KIF1C: variants seen among roughly 807,000 people sequenced by gnomAD.
KIF1C encodes the protein kinesin family member 1C, also known as kinesin-like protein KIF1C.
KIF1C carries 61 observed loss-of-function variants against 126.5 expected under a neutral mutation model. The ratio of observed to expected loss-of-function variants is 0.48; its 90% confidence interval spans 0.39 to 0.60. The LOEUF is 0.60. Ranked by LOEUF, KIF1C falls within the 20% of genes least tolerant of loss-of-function variation. KIF1C has a pLI of 0.00. For synonymous variants in KIF1C, 640 were observed against 580.6 expected (o/e 1.10, Z -1.47); for missense variants, 1,315 against 1,489.2 (o/e 0.88, Z 1.93).
At chr17:5,007,781 G>A (rs544104711) in intron 16 of KIF1C, among the ~76,000 whole-genome samples, 92 of 152,296 alleles carry the variant, frequency 6.0e-4, no homozygotes, top group African/African-American at 1.9e-3. Context: ...CTGGGAAATC[G>A]GAGGTTGGTT....
rs1449066213 is a variant in KIF1C at position 5,002,049 on chromosome 17, C to A, written c.364-10C>A. On this transcript the variant is annotated splice_polypyrimidine_tract_variant and intron_variant, in intron 5 of 22. Coordinates refer to ENST00000320785, the MANE Select transcript of KIF1C (RefSeq NM_006612.6). The stretch of plus-strand genomic sequence containing the variant: ...GGAGCTTCTCTGTATTTCCCTGTGT[C>A]CCCCTCCAGCTCTGTGAGGACCTCT... 1 of 1,613,360 alleles carries A rather than the reference C, an allele frequency of 6.2e-7. No individual in the cohort carries two copies. Among genetic ancestry groups the A allele is most frequent in the Non-Finnish European group, 8.5e-7 (1 of 1,179,308 alleles).
Position 5,024,276 on chromosome 17 carries a change from T to G in KIF1C, c.*125T>G. On this transcript the variant is annotated 3_prime_UTR_variant, in exon 23 of 23. Transcript: ENST00000320785. ...CAGGAGATGAGAGAGAAGGTCCGAG[T>G]AGGTGATAGAAGACAAGGGGGAGAC... 1.4e-6 allele frequency: 1 copy of G among 701,046 alleles called. No individual in the cohort carries two copies. The highest frequency in any genetic ancestry group is 2.9e-5 in the East Asian group (1 of 34,514). The allele number at this position is 701,046 out of a possible 1,614,324, so 43.4% of individuals were successfully genotyped here.
Position 5,007,359 on chromosome 17 carries a change from T to C in KIF1C, c.1415+17T>C. The C allele has an allele frequency of 4.3e-6, 7 of 1,613,154 alleles. No individual in the cohort carries two copies. Among genetic ancestry groups the C allele is most frequent in the Non-Finnish European group, 5.1e-6 (6 of 1,179,406 alleles). On this transcript the variant is annotated intron_variant, in intron 15 of 22. Transcript: ENST00000320785. ...GATGGAGAGGTGTGAGGGCCGACAG[T>C]TGGGGTCCTGGGTGGAGTTGGAGGC...
At position 5,022,362 on chromosome 17, in the gene KIF1C, C is replaced by T. The variant is rs573302051; in HGVS notation, c.2281C>T (p.Leu761=). Residue 761 remains leucine (L), a synonymous_variant, in exon 22 of 23, where the codon CTG becomes TTG. Transcript: ENST00000320785. The surrounding 1 kb of genome is among the most constrained non-coding windows in gnomAD (Gnocchi z 4.9). ...GAAGGAGATCTGCTACGAGGTGGCC[C>T]TGGCTGACTTCCGCCACGGGCGGGC... ...AVKEICYEVA[L]ADFRHGRAEI... is the part of the protein sequence containing the mutation. The T allele has an allele frequency of 1.3e-6, 2 of 1,588,980 alleles. No individual in the cohort carries two copies. Among genetic ancestry groups the T allele is most frequent in the Non-Finnish European group, 1.7e-6 (2 of 1,167,000 alleles).
chr17:5,004,498 C>A, intron 11 of KIF1C, 69 bp from the exon 12 acceptor site: 1 of 1,449,692 alleles, frequency 6.9e-7, no homozygotes, highest in South Asian at 1.2e-5. Flanking sequence ...GGGCCCCAGC[C>A]CTGTGACCCG....
intron 16 of KIF1C, among the ~76,000 whole-genome samples, chr17:5,012,735 G>C (rs1475940700): frequency 1.3e-5 from 2 of 152,196 alleles, no homozygotes; most frequent in Admixed American, 6.5e-5. Context: ...CACGGCAGCA[G>C]CTGGCAGGAA....
rs1975059908 is a variant in KIF1C, at chr17:5,020,314, G to T, written c.1751-178G>T. Among the ~76,000 whole-genome samples the T allele has an allele frequency of 1.3e-5, 2 of 152,234 alleles. No individual in the cohort carries two copies. On this transcript the variant is annotated intron_variant, in intron 19 of 22. Coordinates refer to ENST00000320785, the MANE Select transcript of KIF1C (RefSeq NM_006612.6). This position sits in a 1 kb window ranked among gnomAD's most constrained non-coding sequence, Gnocchi z 5.8. Reference sequence around the variant, plus strand: ...TCTTGCAATTCCCTTTGGTTGACAAGAATGGGGTTGGTCCCTGGGTGTCAG... The same window carrying T: ...TCTTGCAATTCCCTTTGGTTGACAATAATGGGGTTGGTCCCTGGGTGTCAG...
intron 16 of KIF1C, among the ~76,000 whole-genome samples, chr17:5,008,627 CCT>C (rs758478743): frequency 6.6e-6 from 1 of 152,188 alleles, no homozygotes; most frequent in South Asian, 2.1e-4. Context: ...TCACTGAACC[CCT>C]GTTCTGAAAA....
intron 18 of KIF1C, among the ~76,000 whole-genome samples, chr17:5,016,339 C>T (rs188229376): frequency 1.3e-5 from 2 of 151,896 alleles, no homozygotes; most frequent in South Asian, 2.1e-4. Context: ...GTTTCTCCAA[C>T]TCCCAACCTC....
At chr17:5,008,635 G>C (rs1344724632) in intron 16 of KIF1C, among the ~76,000 whole-genome samples, 1 of 152,240 alleles carries the variant, frequency 6.6e-6, no homozygotes, top group Non-Finnish European at 1.5e-5. Context: ...CCCCTGTTCT[G>C]AAAAGAGGAG....
chr17:5,025,582 G>C lies in KIF1C; in HGVS notation c.*1431G>C, dbSNP rs1350532511. 1 of 152,174 alleles carries C rather than the reference G, an allele frequency of 6.6e-6. No homozygotes were observed. Among genetic ancestry groups the C allele is most frequent in the African/African-American group, 2.4e-5 (1 of 41,432 alleles). 9.4% of individuals were successfully genotyped at this position (152,174 alleles called of 1,614,324 possible). A position where few individuals can be genotyped will look rare whatever the true frequency, so the allele number is the denominator to read the frequency against. On this transcript the variant is annotated 3_prime_UTR_variant, in exon 23 of 23. Transcript: ENST00000320785. ...CCTGTAATGCCAGCACTGGGAGGCCGAGGCAGGTGGATCACGAGGTCAGGA... is the reference window on the plus strand; with the variant it reads ...CCTGTAATGCCAGCACTGGGAGGCCCAGGCAGGTGGATCACGAGGTCAGGA...
At chr17:5,000,716 G>A in intron 3 of KIF1C, 56 bp from the exon 4 acceptor site, 13 of 1,521,286 alleles carry the variant, frequency 8.5e-6, no homozygotes, top group Non-Finnish European at 1.2e-5. Context: ...GGTATGGGCA[G>A]GGACTGGGAA....
chr17:5,022,516 G>A lies in KIF1C; in HGVS notation c.2435G>A (p.Gly812Glu), dbSNP rs1385288886. 3 of 1,588,780 alleles carry A rather than the reference G, an allele frequency of 1.9e-6. No individual in the cohort carries two copies. Among genetic ancestry groups the A allele is most frequent in the South Asian group, 2.3e-5 (2 of 87,920 alleles). Residue 812 changes from glycine to glutamate, a missense_variant, in exon 22 of 23, where the codon GGA (glycine) becomes GAA (glutamate). Transcript: ENST00000320785. This position sits in a 1 kb window ranked among gnomAD's most constrained non-coding sequence, Gnocchi z 4.9. ...TGGGACACTGTAGGCGAGGAGGAAG[G>A]AGGTGGAGCTGGCAGTGGTGGTGGC... The part of the protein sequence containing the change: ...DVWDTVGEEE[G>E]GGAGSGGGSE...
chr17:5,004,126 T>C (rs1974671002), intron 11 of KIF1C, 53 bp downstream of exon 11: 1 of 1,248,708 alleles, frequency 8.0e-7, no homozygotes, highest in Middle Eastern at 2.5e-4. Context: ...CACAAACTCT[T>C]TTGATACATC....
chr17:5,020,419 C>T lies in KIF1C; in HGVS notation c.1751-73C>T. The T allele has an allele frequency of 6.9e-7, 1 of 1,441,850 alleles. No individual in the cohort carries two copies. Among genetic ancestry groups the T allele is most frequent in the African/African-American group, 1.4e-5 (1 of 70,814 alleles). 89.3% of individuals were successfully genotyped at this position (1,441,850 alleles called of 1,614,324 possible). ...TGTCACAGCCCCTGTGCCAGATTCT[C>T]TATGCCTTGGGTGTAGGGATGGATT... On this transcript the variant is annotated intron_variant, in intron 19 of 22. Coordinates refer to ENST00000320785, the MANE Select transcript of KIF1C (RefSeq NM_006612.6). This position sits in a 1 kb window ranked among gnomAD's most constrained non-coding sequence, Gnocchi z 5.8.
In KIF1C at chr17:5,007,360, T is replaced by G. The variant is rs779549690; in HGVS notation, c.1415+18T>G. The stretch of plus-strand genomic sequence containing the variant: ...ATGGAGAGGTGTGAGGGCCGACAGT[T>G]GGGGTCCTGGGTGGAGTTGGAGGCC... On this transcript the variant is annotated intron_variant, in intron 15 of 22. Transcript: ENST00000320785. 1.9e-6 allele frequency: 3 copies of G among 1,612,986 alleles called. No homozygotes were observed. The Admixed American group carries it at 5.0e-5, about 27-fold the overall frequency.
rs1401065423 is a variant in KIF1C at position 5,024,022 on chromosome 17, T to A, written c.3183T>A (p.Tyr1061Ter). The A allele has an allele frequency of 4.4e-6, 7 of 1,592,460 alleles. No individual in the cohort carries two copies. The highest frequency in any genetic ancestry group is 1.4e-5 in the African/African-American group (1 of 73,894). ...QHFQPKKHNS[Y>*]PQPPQPYPAQ... Reference sequence around the variant, plus strand: ...TCCAGCCCAAAAAGCACAACTCTTATCCCCAGCCACCCCAACCCTACCCAG... The same window carrying A: ...TCCAGCCCAAAAAGCACAACTCTTAACCCCAGCCACCCCAACCCTACCCAG... Residue 1061 changes from tyrosine to a stop codon, truncating the protein, a stop_gained, in exon 23 of 23, where the codon TAT becomes TAA. Transcript: ENST00000320785. LOFTEE classifies it high-confidence loss of function.
At chr17:5,006,644 G>T (rs769487201) in intron 13 of KIF1C, among the ~76,000 whole-genome samples, 15 of 152,126 alleles carry the variant, frequency 9.9e-5, no homozygotes, top group Non-Finnish European at 2.1e-4. Flanking sequence ...CCCCACCTAA[G>T]AATTTTCTGA....
chr17:5,022,764 G>C lies in KIF1C; in HGVS notation c.2628+55G>C, dbSNP rs1261863726. 2.1e-6 allele frequency: 3 copies of C among 1,446,474 alleles called. No individual in the cohort carries two copies. Among genetic ancestry groups the C allele is most frequent in the Non-Finnish European group, 2.7e-6 (3 of 1,104,716 alleles). The allele number at this position is 1,446,474 out of a possible 1,614,324, so 89.6% of individuals were successfully genotyped here. ...CCTCCCTCGGCTCTTCACTTTAGGA[G>C]TCTGAACCTTCCATCTCAGAGCCTA... On this transcript the variant is annotated intron_variant, in intron 22 of 22. Transcript: ENST00000320785. The surrounding 1 kb of genome is among the most constrained non-coding windows in gnomAD (Gnocchi z 4.9).
Sources: gnomAD v4.1 joint callset for allele counts (sites outside exome capture counted in the v4.1 genomes callset) on GRCh38, gnomAD v4.1.1 for gene constraint, Gnocchi (gnomAD v3.1) non-coding constraint, MANE v1.5 for transcripts, NCBI Gene and HGNC (gene_info 2026-07-23, HGNC 2026-07-21) for gene names.